The following CAMKMT variants were observed in gnomAD, a reference collection of about 807,000 sequenced individuals.
The protein encoded by CAMKMT is CaM KMT.
In CAMKMT, 53 loss-of-function variants were observed where a neutral mutation model predicts 48.0. The observed-to-expected ratio is 1.10, with a 90% CI of 0.89 to 1.39. CAMKMT has a LOEUF of 1.39. CAMKMT is among the 40% of genes most tolerant of loss of function. CAMKMT has a pLI of 0.00. For missense variants in CAMKMT, 428 were observed against 402.7 expected, an observed-to-expected ratio of 1.06 and a Z score of -0.54; for synonymous variants, 165 against 152.3, an observed-to-expected ratio of 1.08 and a Z score of -0.61.
rs979553791 is a variant in CAMKMT at position 44,713,341 on chromosome 2, C to T, written c.557-1946C>T. Among the ~76,000 whole-genome samples, 7 of 152,066 alleles carry T rather than the reference C, an allele frequency of 4.6e-5. No homozygotes were observed. In the South Asian group the frequency reaches 6.2e-4, roughly 14 times the overall value. On this transcript the variant is annotated intron_variant, in intron 6 of 10. Coordinates refer to ENST00000378494, the MANE Select transcript of CAMKMT (RefSeq NM_024766.5). ...GGTGTACTGGGCACATTATGGCATG[C>T]GGTTGGATGCCATGGAAACTCTAAG...
chr2:44,617,368 C>T (rs1411983752), intron 3 of CAMKMT, among the ~76,000 whole-genome samples: 1 of 152,158 alleles, frequency 6.6e-6, no homozygotes, highest in Non-Finnish European at 1.5e-5. Flanking sequence ...CAACAAAATG[C>T]ATCCTAAACA....
At chr2:44,604,308 T>G (rs1349781126) in intron 3 of CAMKMT, among the ~76,000 whole-genome samples, 1 of 152,216 alleles carries the variant, frequency 6.6e-6, no homozygotes, top group Non-Finnish European at 1.5e-5. Flanking sequence ...CTGCTAAATA[T>G]TTCCCTACTG....
chr2:44,576,481 A>C lies in CAMKMT; in HGVS notation c.377-127802A>C, dbSNP rs1669228201. On this transcript the variant is annotated intron_variant, in intron 3 of 10. Transcript: ENST00000378494. Reference sequence around the variant, plus strand: ...CTCAATATATTTCAATAACTTGGGAAGCAGTCATCTGCTAAAAATGAGAGG... The same window carrying C: ...CTCAATATATTTCAATAACTTGGGACGCAGTCATCTGCTAAAAATGAGAGG... Among the ~76,000 whole-genome samples the C allele has an allele frequency of 2.0e-5, 3 of 152,220 alleles. No individual in the cohort carries two copies. In the South Asian group the frequency reaches 6.2e-4, roughly 31 times the overall value.
intron 3 of CAMKMT, among the ~76,000 whole-genome samples, chr2:44,587,436 C>T (rs1229290277): frequency 6.7e-6 from 1 of 149,426 alleles, no homozygotes; most frequent in African/African-American, 2.5e-5. Context: ...AGCTCTCCCT[C>T]TCCCTCCCCC....
intron 3 of CAMKMT, among the ~76,000 whole-genome samples, chr2:44,687,204 T>C (rs1284739993): frequency 6.6e-6 from 1 of 152,258 alleles, no homozygotes; most frequent in Non-Finnish European, 1.5e-5. Context: ...ATTTGATTTT[T>C]AATTTTTATG....
At chr2:44,460,716 CTTTTTTTTTTTTT>C (rs1202949999) in intron 3 of CAMKMT, among the ~76,000 whole-genome samples, 6 of 103,236 alleles carry the variant, frequency 5.8e-5, no homozygotes, top group Non-Finnish European at 1.0e-4. Flanking sequence ...GTGATAGATT[CTTTTTTTTTTTTT>C]TTTTTTTTTG....
Position 44,631,278 on chromosome 2 carries a change from G to A in CAMKMT, c.377-73005G>A, listed in dbSNP as rs1018950800. 6.6e-5 allele frequency among the ~76,000 whole-genome samples: 10 copies of A among 152,072 alleles called. No homozygotes were observed. In the South Asian group the frequency reaches 1.9e-3, roughly 28 times the overall value. On this transcript the variant is annotated intron_variant, in intron 3 of 10. Transcript: ENST00000378494. Reference sequence around the variant, plus strand: ...GGGGGTAAGGGGGAGGGATAGCATTGAGAGATATACCTAATGCTAGATGAC... The same window carrying A: ...GGGGGTAAGGGGGAGGGATAGCATTAAGAGATATACCTAATGCTAGATGAC...
intron 2 of CAMKMT, among the ~76,000 whole-genome samples, chr2:44,378,383 G>C (rs2592196): frequency 6.6e-6 from 1 of 151,840 alleles, no homozygotes; most frequent in Non-Finnish European, 1.5e-5. Context: ...TAAAACCCAT[G>C]AGACTGGAAA....
chr2:44,417,271 T>C (rs1683622909), intron 3 of CAMKMT, among the ~76,000 whole-genome samples: 1 of 152,082 alleles, frequency 6.6e-6, no homozygotes, highest in Non-Finnish European at 1.5e-5. Context: ...AGTGCACACC[T>C]GTAATCCCAG....
chr2:44,744,363 A>T (rs932917425), intron 8 of CAMKMT, among the ~76,000 whole-genome samples: 1 of 152,168 alleles, frequency 6.6e-6, no homozygotes, highest in African/African-American at 2.4e-5. Flanking sequence ...ATTTTAGCCC[A>T]ATCTACTTAT....
At chr2:44,476,145 C>A (rs540989984) in intron 3 of CAMKMT, among the ~76,000 whole-genome samples, 1 of 151,996 alleles carries the variant, frequency 6.6e-6, no homozygotes, top group South Asian at 2.1e-4. Context: ...TGTAGTTCTT[C>A]GGTGCTTGAG....
intron 3 of CAMKMT, among the ~76,000 whole-genome samples, chr2:44,617,218 C>G (rs1558747374): frequency 6.6e-6 from 1 of 152,160 alleles, no homozygotes; most frequent in African/African-American, 2.4e-5. Context: ...AATCAGGAAA[C>G]TCAAAGTCAC....
chr2:44,768,342 G>GATATATATATATATATATATAT (rs35422115), intron 10 of CAMKMT, among the ~76,000 whole-genome samples: 4 of 111,452 alleles, frequency 3.6e-5, no homozygotes, highest in Non-Finnish European at 5.4e-5. Context: ...GGGCGCCCAT[G>GATATATATATATATATATATAT]ATATATATAT....
intron 3 of CAMKMT, among the ~76,000 whole-genome samples, chr2:44,562,685 C>T (rs1364567691): frequency 4.6e-5 from 7 of 152,152 alleles, no homozygotes; most frequent in South Asian, 2.1e-4. Context: ...CTCAGCCTCC[C>T]GAGTAGCTAG....
At chr2:44,610,336 G>A (rs1051802336) in intron 3 of CAMKMT, among the ~76,000 whole-genome samples, 2 of 152,110 alleles carry the variant, frequency 1.3e-5, no homozygotes, top group Admixed American at 1.3e-4. Context: ...TTAGAATTTG[G>A]GATGATAAAG....
At chr2:44,500,455 T>C (rs1292122920) in intron 3 of CAMKMT, among the ~76,000 whole-genome samples, 1 of 152,152 alleles carries the variant, frequency 6.6e-6, no homozygotes, top group Non-Finnish European at 1.5e-5. Flanking sequence ...AGATTTTTGT[T>C]GTAGTCATCT....
At chr2:44,620,652 A>G (rs1440636250) in intron 3 of CAMKMT, among the ~76,000 whole-genome samples, 2 of 152,202 alleles carry the variant, frequency 1.3e-5, no homozygotes, top group Non-Finnish European at 2.9e-5. Context: ...TTGAACATCT[A>G]TTCTGTGAGA....
chr2:44,436,820 A>G (rs1004566614), intron 3 of CAMKMT, among the ~76,000 whole-genome samples: 1 of 152,136 alleles, frequency 6.6e-6, no homozygotes, highest in African/African-American at 2.4e-5. Flanking sequence ...ATGGTTCTCT[A>G]TGCCCTATTT....
intron 2 of CAMKMT, among the ~76,000 whole-genome samples, chr2:44,377,557 A>C (rs1228686101): frequency 1.3e-5 from 2 of 152,208 alleles, no homozygotes; most frequent in Non-Finnish European, 2.9e-5. Context: ...GGAAGCTTTA[A>C]ATTGCTTCCA....
Sources: gnomAD v4.1 joint callset for allele counts (sites outside exome capture counted in the v4.1 genomes callset) on GRCh38, gnomAD v4.1.1 for gene constraint, MANE v1.5 for transcripts, NCBI Gene and HGNC (gene_info 2026-07-23, HGNC 2026-07-21) for gene names.